Variants in LARGE1 observed in about 807,000 individuals in gnomAD.
LARGE1 encodes the protein xylosyl- and glucuronyltransferase LARGE1.
Under a neutral mutation model 87.6 loss-of-function variants are expected in LARGE1, and 43 were observed. The ratio of observed to expected loss-of-function variants is 0.49; its 90% CI spans 0.38 to 0.63. The LOEUF (loss-of-function observed/expected upper bound fraction) is 0.63. Ranked by LOEUF, LARGE1 falls within the 30% of genes least tolerant of loss-of-function variation. LARGE1 has a pLI of 0.00. For synonymous variants in LARGE1, 434 were observed against 394.6 expected, an observed-to-expected ratio of 1.10 and a Z score of -1.18; for missense variants, 802 against 1,000.2, an observed-to-expected ratio of 0.80 and a Z score of 2.67.
chr22:33,543,617 T>C (rs2077273266), intron 6 of LARGE1, among the ~76,000 whole-genome samples: 1 of 152,246 alleles, frequency 6.6e-6, no homozygotes, highest in African/African-American at 2.4e-5. Context: ...TCAGCCAGCA[T>C]GCTTCTTAAG....
intron 1 of LARGE1, among the ~76,000 whole-genome samples, chr22:33,815,218 A>G (rs2086614389): frequency 6.6e-6 from 1 of 152,172 alleles, no homozygotes; most frequent in Non-Finnish European, 1.5e-5. Flanking sequence ...CTCCCAGGAC[A>G]GTAGTGAGAC....
At chr22:33,395,949 C>T (rs2065725787) in intron 7 of LARGE1, among the ~76,000 whole-genome samples, 1 of 152,200 alleles carries the variant, frequency 6.6e-6, no homozygotes, top group African/African-American at 2.4e-5. Context: ...ACTGTCAGAA[C>T]GATTTGCCCC....
intron 2 of LARGE1, chr22:33,724,249 G>A (rs2083199274): frequency 1.3e-5 from 2 of 152,436 alleles, no homozygotes; most frequent in African/African-American, 4.8e-5. Flanking sequence ...GTAGAGAAGT[G>A]TCAGCAAAGG....
At chr22:33,405,943 T>A (rs935658628) in intron 7 of LARGE1, among the ~76,000 whole-genome samples, 6 of 152,222 alleles carry the variant, frequency 3.9e-5, no homozygotes, top group African/African-American at 1.4e-4. Flanking sequence ...GAGTCTGGAA[T>A]CTTCGGAAAG....
At chr22:33,823,656 G>A (rs2062701960) in intron 1 of LARGE1, among the ~76,000 whole-genome samples, 1 of 152,160 alleles carries the variant, frequency 6.6e-6, no homozygotes, top group African/African-American at 2.4e-5. Flanking sequence ...TATACACAGT[G>A]TGACTGTAGA....
intron 5 of LARGE1, among the ~76,000 whole-genome samples, chr22:33,579,818 A>T (rs1412867624): frequency 6.6e-6 from 1 of 152,208 alleles, no homozygotes. Flanking sequence ...GGTACACAAC[A>T]ATTGGGAAGT....
chr22:33,484,301 C>CA (rs2069471021), intron 6 of LARGE1, among the ~76,000 whole-genome samples: 1 of 152,094 alleles, frequency 6.6e-6, no homozygotes, highest in Non-Finnish European at 1.5e-5. Context: ...TGAGGAGTTT[C>CA]AATGTAATGA....
At chr22:33,578,373 A>G (rs1426721994) in intron 5 of LARGE1, among the ~76,000 whole-genome samples, 1 of 152,158 alleles carries the variant, frequency 6.6e-6, no homozygotes, top group Non-Finnish European at 1.5e-5. Context: ...AAAATCACCT[A>G]ATTCCGAAAG....
At chr22:33,634,364 G>A (rs1037817735) in intron 3 of LARGE1, among the ~76,000 whole-genome samples, 3 of 152,132 alleles carry the variant, frequency 2.0e-5, no homozygotes, top group Non-Finnish European at 4.4e-5. Flanking sequence ...GCTGCTGCCG[G>A]CCCAGGGACC....
intron 6 of LARGE1, among the ~76,000 whole-genome samples, chr22:33,433,866 C>T (rs1407982472): frequency 1.3e-5 from 2 of 152,180 alleles, no homozygotes; most frequent in African/African-American, 4.8e-5. Context: ...ATGATGACAG[C>T]TCCCTGAAAT....
At chr22:33,275,345 G>T (rs1929025567) in intron 14 of LARGE1, among the ~76,000 whole-genome samples, 1 of 152,168 alleles carries the variant, frequency 6.6e-6, no homozygotes, top group African/African-American at 2.4e-5. Context: ...CTTTTACTCA[G>T]ATCTATTTAC....
intron 6 of LARGE1, among the ~76,000 whole-genome samples, chr22:33,549,430 C>T (rs1451745037): frequency 6.6e-6 from 1 of 152,180 alleles, no homozygotes; most frequent in Non-Finnish European, 1.5e-5. Context: ...ACCATAAATT[C>T]TAATGGGTCC....
intron 11 of LARGE1, among the ~76,000 whole-genome samples, chr22:33,225,434 CAG>C (rs1427278584): frequency 6.6e-6 from 1 of 152,220 alleles, no homozygotes; most frequent in Non-Finnish European, 1.5e-5. Context: ...CCATATTCTA[CAG>C]ATGTTCAGAG....
rs540921908 is a variant in LARGE1 at position 33,741,251 on chromosome 22, C to G, written c.106+20120G>C. On this transcript the variant is annotated intron_variant, in intron 2 of 14. Transcript: ENST00000397394. ...GATTACAGTCTTGACAATAGCTCAC[C>G]TGATACATCATGCAATAACAAGCTC... is the stretch of plus-strand genomic sequence containing the variant. Among the ~76,000 whole-genome samples the G allele has an allele frequency of 8.5e-5, 13 of 152,306 alleles. No individual in the cohort carries two copies. In the East Asian group the frequency reaches 2.5e-3, roughly 29 times the overall value.
At chr22:33,896,922 C>CTGAT (rs1477469675) in intron 1 of LARGE1, among the ~76,000 whole-genome samples, 1 of 152,190 alleles carries the variant, frequency 6.6e-6, no homozygotes, top group Non-Finnish European at 1.5e-5. Context: ...CCGACCAGAC[C>CTGAT]TGATGGTGGG....
At chr22:33,817,102 G>A (rs2086676910) in intron 1 of LARGE1, among the ~76,000 whole-genome samples, 1 of 152,120 alleles carries the variant, frequency 6.6e-6, no homozygotes, top group South Asian at 2.1e-4. Flanking sequence ...ATACATACAT[G>A]CATACACATA....
chr22:33,424,096 C>T (rs1405169447), intron 7 of LARGE1, among the ~76,000 whole-genome samples: 3 of 152,142 alleles, frequency 2.0e-5, no homozygotes, highest in Non-Finnish European at 1.5e-5. Context: ...AAGTAACCAT[C>T]GGAATCAAGT....
intron 7 of LARGE1, among the ~76,000 whole-genome samples, chr22:33,403,715 T>C (rs1365250667): frequency 6.6e-6 from 1 of 152,122 alleles, no homozygotes; most frequent in Non-Finnish European, 1.5e-5. Flanking sequence ...GCGATTCTCC[T>C]GCCTCAGCCT....
At chr22:33,420,350 A>G (rs2147563341) in intron 7 of LARGE1, among the ~76,000 whole-genome samples, 1 of 152,292 alleles carries the variant, frequency 6.6e-6, no homozygotes, top group East Asian at 1.9e-4. Flanking sequence ...ACAGAAAAAA[A>G]TTACTACCTT....
Sources: allele counts gnomAD v4.1 joint callset (sites outside exome capture counted in the v4.1 genomes callset), GRCh38; gene constraint gnomAD v4.1.1; transcripts MANE v1.5; gene names NCBI Gene and HGNC (gene_info 2026-07-23, HGNC 2026-07-21).